The following DRC8 variants were observed in gnomAD, a reference collection of about 807,000 sequenced individuals.
DRC8 encodes the protein dynein regulatory complex protein 8.
At chr1:245,109,574 T>G in the DRC8 span, among the ~76,000 whole-genome samples, 1 of 152,236 alleles carries the variant, frequency 6.6e-6, no homozygotes, top group African/African-American at 2.4e-5. Flanking sequence ...CTGATAATAC[T>G]GGCCGCACGT....
At chr1:245,060,849 A>G in the DRC8 span, among the ~76,000 whole-genome samples, 5 of 152,280 alleles carry the variant, frequency 3.3e-5, no homozygotes, top group East Asian at 7.7e-4. Context: ...TTAGCAAATC[A>G]TGGCCCCTGG....
the DRC8 span, among the ~76,000 whole-genome samples, chr1:245,118,663 T>C: frequency 9.2e-5 from 14 of 151,794 alleles, no homozygotes; most frequent in African/African-American, 3.1e-4. Flanking sequence ...TGGTGGTGCA[T>C]GCCTGTAATC....
At chr1:245,094,752 T>C in the DRC8 span, among the ~76,000 whole-genome samples, 1 of 152,126 alleles carries the variant, frequency 6.6e-6, no homozygotes, top group Non-Finnish European at 1.5e-5. Context: ...TAAAATACTC[T>C]AAAAATTACT....
the DRC8 span, chr1:245,122,001 A>T: frequency 2.7e-6 from 1 of 373,486 alleles, no homozygotes; most frequent in South Asian, 2.1e-5. Context: ...CGGGTTCAAG[A>T]GATTCTCCTG....
At chr1:245,003,698 T>C in the DRC8 span, among the ~76,000 whole-genome samples, 1 of 152,178 alleles carries the variant, frequency 6.6e-6, no homozygotes, top group Non-Finnish European at 1.5e-5. Context: ...CAAGTGATCC[T>C]TCCACCTCAG....
At chr1:245,079,911 A>C in the DRC8 span, among the ~76,000 whole-genome samples, 2 of 152,152 alleles carry the variant, frequency 1.3e-5, no homozygotes, top group African/African-American at 2.4e-5. Flanking sequence ...ATGAACATTC[A>C]CCTGCAAAAT....
At chr1:244,999,551 C>CTGT in the DRC8 span, among the ~76,000 whole-genome samples, 2 of 152,208 alleles carry the variant, frequency 1.3e-5, no homozygotes, top group African/African-American at 4.8e-5. Flanking sequence ...TTTTGTCAGA[C>CTGT]ATTGCTGAAT....
chr1:244,991,747 A>G, the DRC8 span, among the ~76,000 whole-genome samples: 6 of 152,196 alleles, frequency 3.9e-5, no homozygotes, highest in African/African-American at 1.4e-4. Context: ...AAGTCATGTA[A>G]AGATCTTGAT....
chr1:245,113,676 T>G, the DRC8 span, among the ~76,000 whole-genome samples: 2 of 152,070 alleles, frequency 1.3e-5, no homozygotes, highest in African/African-American at 4.8e-5. Flanking sequence ...TGGAAATATA[T>G]TAAAGTAATA....
At chr1:245,078,124 G>A in the DRC8 span, among the ~76,000 whole-genome samples, 4 of 152,084 alleles carry the variant, frequency 2.6e-5, no homozygotes, top group Non-Finnish European at 4.4e-5. Flanking sequence ...TCAAGGAAAT[G>A]CAAACCAAAA....
chr1:244,977,927 G>GGTAA, the DRC8 span, among the ~76,000 whole-genome samples: 1 of 152,138 alleles, frequency 6.6e-6, no homozygotes, highest in Admixed American at 6.5e-5. Flanking sequence ...TGTGTAAATG[G>GGTAA]GTAAGGACAC....
the DRC8 span, among the ~76,000 whole-genome samples, chr1:245,078,304 A>G: frequency 2.1e-3 from 315 of 152,318 alleles, 5 homozygotes; most frequent in African/African-American, 7.1e-3. Context: ...GAATTACCAT[A>G]TCATCCAACA....
the DRC8 span, among the ~76,000 whole-genome samples, chr1:245,073,833 T>C: frequency 2.3e-3 from 355 of 152,306 alleles, 11 homozygotes; most frequent in East Asian, 0.052. Flanking sequence ...ATCGAATCCC[T>C]GCGTGATTTG....
At chr1:245,112,838 C>T in the DRC8 span, among the ~76,000 whole-genome samples, 1 of 151,896 alleles carries the variant, frequency 6.6e-6, no homozygotes, top group African/African-American at 2.4e-5. Context: ...ACTGCAGCCT[C>T]CGCCTCCTGA....
chr1:244,977,348 G>A, the DRC8 span, among the ~76,000 whole-genome samples: 1 of 152,126 alleles, frequency 6.6e-6, no homozygotes, highest in Admixed American at 6.6e-5. Flanking sequence ...GAAAGAAATG[G>A]TACATTGTTT....
At chr1:245,119,624 G>A in the DRC8 span, among the ~76,000 whole-genome samples, 1 of 150,798 alleles carries the variant, frequency 6.6e-6, no homozygotes, top group Non-Finnish European at 1.5e-5. Flanking sequence ...GGGCAACAGA[G>A]CAAGACCCTG....
the DRC8 span, among the ~76,000 whole-genome samples, chr1:245,016,195 G>T: frequency 6.6e-6 from 1 of 152,060 alleles, no homozygotes. Flanking sequence ...TGGCCAGGCT[G>T]GTCTCAAACT....
At chr1:245,087,163 C>G in the DRC8 span, 1 of 1,543,336 alleles carries the variant, frequency 6.5e-7, no homozygotes, top group African/African-American at 1.4e-5. Flanking sequence ...TTGTGGGGCT[C>G]CATGGCTATT....
At chr1:245,100,197 C>A in the DRC8 span, among the ~76,000 whole-genome samples, 1 of 151,964 alleles carries the variant, frequency 6.6e-6, no homozygotes, top group Non-Finnish European at 1.5e-5. Flanking sequence ...CCAGCCTGAC[C>A]AATATGGTGA....
Sources: allele counts gnomAD v4.1 joint callset (sites outside exome capture counted in the v4.1 genomes callset), GRCh38; gene constraint gnomAD v4.1.1; transcripts MANE v1.5; gene names NCBI Gene and HGNC (gene_info 2026-07-23, HGNC 2026-07-21).